TSPAN18: variants seen among roughly 807,000 people sequenced by gnomAD.
TSPAN18 encodes the protein tetraspanin 18, also known as tetraspanin-18.
TSPAN18 carries 14 observed loss-of-function variants against 27.3 expected under a neutral mutation model. That is an observed-to-expected ratio of 0.51 (90% CI 0.34 to 0.80). TSPAN18 has a LOEUF of 0.80. Among genes scored for constraint, TSPAN18 ranks in the 30% least tolerant of loss-of-function variants. The pLI, the probability that TSPAN18 is intolerant of heterozygous loss-of-function variation, is 0.01. For synonymous variants in TSPAN18, 143 were observed against 136.5 expected (o/e 1.05, Z -0.33); for missense variants, 268 against 323.9 (o/e 0.83, Z 1.32).
At chr11:44,755,968 AAG>A (rs1033043471) in intron 1 of TSPAN18, among the ~76,000 whole-genome samples, 9 of 152,028 alleles carry the variant, frequency 5.9e-5, no homozygotes, top group Non-Finnish European at 1.2e-4. Context: ...GAGAGAGGGA[AAG>A]AGAGATGGAG....
rs1859596006 is a variant in TSPAN18 at position 44,908,823 on chromosome 11, G to GA, written c.64-879dup. On this transcript the variant is annotated intron_variant, in intron 4 of 9. Transcript: ENST00000520358. Reference sequence around the variant, plus strand: ...AGAAAGAAAGAAAGAAAGAAAGAAAGAAAGAAAAAGAAAAATGGAGCAGAT... The same window carrying GA: ...AGAAAGAAAGAAAGAAAGAAAGAAAGAAAAGAAAAAGAAAAATGGAGCAGAT... 1.8e-5 allele frequency among the ~76,000 whole-genome samples: 2 copies of GA among 112,098 alleles called. 1 individual carries two copies. Among genetic ancestry groups the GA allele is most frequent in the Non-Finnish European group, 3.7e-5 (2 of 54,410 alleles). The allele number at this position is 112,098 out of a possible 152,430, so 73.5% of individuals were successfully genotyped here. A position where few individuals can be genotyped will look rare whatever the true frequency, so the allele number is the denominator to read the frequency against.
At chr11:44,910,754 G>A (rs1859678278) in intron 5 of TSPAN18, among the ~76,000 whole-genome samples, 1 of 152,172 alleles carries the variant, frequency 6.6e-6, no homozygotes, top group African/African-American at 2.4e-5. Context: ...CTGAAGATAT[G>A]TCGGGGACCA....
At chr11:44,908,870 G>A (rs1041206598) in intron 4 of TSPAN18, among the ~76,000 whole-genome samples, 5 of 151,508 alleles carry the variant, frequency 3.3e-5, no homozygotes, top group Admixed American at 6.6e-5. Flanking sequence ...TCTGCTAAAC[G>A]CCTTCTATCC....
chr11:44,907,245 A>T lies in TSPAN18; in HGVS notation c.63+766A>T, dbSNP rs367992321. 1.2e-3 allele frequency among the ~76,000 whole-genome samples: 184 copies of T among 152,198 alleles called. 5 individuals are homozygous for T. In the South Asian group the frequency reaches 0.037, roughly 31 times the overall value. On this transcript the variant is annotated intron_variant, in intron 4 of 9. Transcript: ENST00000520358. Reference sequence around the variant, plus strand: ...CCCACTGAAGGCTCTGCTCAGACTCATGGCCCCTCCCAGGAGTAGAGCTGT... The same window carrying T: ...CCCACTGAAGGCTCTGCTCAGACTCTTGGCCCCTCCCAGGAGTAGAGCTGT...
At chr11:44,866,240 C>T (rs12417889) in intron 3 of TSPAN18, among the ~76,000 whole-genome samples, 22,692 of 152,252 alleles carry the variant, frequency 0.15, 2,811 homozygotes, top group East Asian at 0.54. Context: ...GCAGCAGGTA[C>T]GAGGTGTGCC....
chr11:44,918,293 A>G (rs1436957369), intron 6 of TSPAN18, among the ~76,000 whole-genome samples: 1 of 152,174 alleles, frequency 6.6e-6, no homozygotes, highest in African/African-American at 2.4e-5. Flanking sequence ...CCCATACCTT[A>G]TTCTGGAAAC....
intron 2 of TSPAN18, among the ~76,000 whole-genome samples, chr11:44,814,177 A>T (rs4755896): frequency 0.18 from 27,845 of 152,152 alleles, 3,305 homozygotes; most frequent in Non-Finnish European, 0.26. Context: ...ATAATTTTTT[A>T]AAAAAAGTCA....
intron 1 of TSPAN18, among the ~76,000 whole-genome samples, chr11:44,757,671 A>T (rs1163141134): frequency 6.6e-6 from 1 of 152,168 alleles, no homozygotes; most frequent in Admixed American, 6.5e-5. Flanking sequence ...AGGCAGTGTG[A>T]GCCACTGTGC....
At chr11:44,841,090 C>T (rs1857363509) in intron 2 of TSPAN18, among the ~76,000 whole-genome samples, 1 of 152,152 alleles carries the variant, frequency 6.6e-6, no homozygotes, top group Admixed American at 6.5e-5. Flanking sequence ...TAAAGATACA[C>T]AAAGATTTAT....
At chr11:44,800,900 T>C (rs1193058656) in intron 2 of TSPAN18, among the ~76,000 whole-genome samples, 19 of 152,156 alleles carry the variant, frequency 1.2e-4, no homozygotes. Flanking sequence ...AATGAGTCTT[T>C]ACCATGCAGG....
rs372533961 is a variant in TSPAN18, at chr11:44,883,162, A to C, written c.-11+22693A>C. On this transcript the variant is annotated intron_variant, in intron 3 of 9. Transcript: ENST00000520358. ...TGCTCCCAAGAGTTCTGTTTCATTAAAACCTGGATCCTTCCATTTTAGTGA... is the reference window on the plus strand; with the variant it reads ...TGCTCCCAAGAGTTCTGTTTCATTACAACCTGGATCCTTCCATTTTAGTGA... Among the ~76,000 whole-genome samples, 3 of 152,176 alleles carry C rather than the reference A, an allele frequency of 2.0e-5. No individual in the cohort carries two copies. In the East Asian group the frequency reaches 5.8e-4, roughly 29 times the overall value.
At chr11:44,918,467 C>T (rs11038213) in intron 6 of TSPAN18, among the ~76,000 whole-genome samples, 40,525 of 151,654 alleles carry the variant, frequency 0.27, 7,575 homozygotes, top group African/African-American at 0.53. Flanking sequence ...TTCCAGAGGC[C>T]ACAGGCAGCT....
At chr11:44,847,838 CTT>C (rs1259028533) in intron 2 of TSPAN18, among the ~76,000 whole-genome samples, 1 of 144,382 alleles carries the variant, frequency 6.9e-6, no homozygotes. Flanking sequence ...ACTTTTGTTG[CTT>C]TTTTTTTTTT....
intron 2 of TSPAN18, chr11:44,859,589 G>A (rs886715666): frequency 6.6e-6 from 1 of 152,208 alleles, no homozygotes; most frequent in African/African-American, 2.4e-5. Flanking sequence ...CCTGTTCTTT[G>A]TCTGGGCTTG....
chr11:44,730,600 G>C (rs1160733790), intron 1 of TSPAN18, among the ~76,000 whole-genome samples: 1 of 152,006 alleles, frequency 6.6e-6, no homozygotes, highest in Non-Finnish European at 1.5e-5. Context: ...TCCATCTGAG[G>C]GAGTGGGGGT....
chr11:44,792,475 G>T (rs1171184470), intron 2 of TSPAN18, among the ~76,000 whole-genome samples: 1 of 152,194 alleles, frequency 6.6e-6, no homozygotes, highest in Non-Finnish European at 1.5e-5. Context: ...ACTTGAGTGT[G>T]GTGTCTGTCT....
At chr11:44,856,361 C>T (rs1033686105) in intron 2 of TSPAN18, among the ~76,000 whole-genome samples, 1 of 152,154 alleles carries the variant, frequency 6.6e-6, no homozygotes, top group African/African-American at 2.4e-5. Flanking sequence ...GGGCTTGGCT[C>T]ATGGTCTTGG....
intron 3 of TSPAN18, among the ~76,000 whole-genome samples, chr11:44,890,288 T>C (rs55789122): frequency 0.13 from 19,455 of 152,288 alleles, 1,355 homozygotes; most frequent in Middle Eastern, 0.2. Context: ...AAACATATTA[T>C]AACTTCACTT....
At chr11:44,823,157 C>G (rs901380529) in intron 2 of TSPAN18, among the ~76,000 whole-genome samples, 3 of 152,082 alleles carry the variant, frequency 2.0e-5, no homozygotes, top group African/African-American at 7.2e-5. Context: ...GCCGGCAACG[C>G]CCCCCCACTG....
Sources: gnomAD v4.1 joint callset for allele counts (sites outside exome capture counted in the v4.1 genomes callset) on GRCh38, gnomAD v4.1.1 for gene constraint, MANE v1.5 for transcripts, NCBI Gene and HGNC (gene_info 2026-07-23, HGNC 2026-07-21) for gene names.